The following SAMHD1 variants were observed in gnomAD, a reference collection of about 807,000 sequenced individuals.
SAMHD1 encodes the protein deoxynucleoside triphosphate triphosphohydrolase SAMHD1.
Under a neutral mutation model 79.6 loss-of-function variants are expected in SAMHD1, and 54 were observed. That is an observed-to-expected ratio of 0.68 (90% CI 0.55 to 0.85). The LOEUF (loss-of-function observed/expected upper bound fraction) is 0.85. Among genes scored for constraint, SAMHD1 ranks in the 40% least tolerant of loss-of-function variants. The pLI is 0.00. For synonymous variants in SAMHD1, 260 were observed against 264.1 expected, an observed-to-expected ratio of 0.98 and a Z score of 0.15; for missense variants, 663 against 782.7, an observed-to-expected ratio of 0.85 and a Z score of 1.82.
In SAMHD1 at chr20:36,935,038, T is replaced by C; in HGVS notation, c.500A>G (p.His167Arg). Residue 167 changes from histidine (H) to arginine (R), a missense_variant, in exon 4 of 16, where the codon CAT (histidine) becomes CGT (arginine). By Grantham distance (29) the His-to-Arg change is conservative. Coordinates refer to ENST00000646673, the MANE Select transcript of SAMHD1 (RefSeq NM_015474.4). ...FPGASHNRFE[H>R]SLGVGYLAGC... ...CCCATTCCCTTCTTACCCTAGACTA[T>C]GCTCAAATCGATTGTGTGAAGCTCC... is the stretch of plus-strand genomic sequence containing the variant. 1 of 1,614,100 alleles carries C rather than the reference T, an allele frequency of 6.2e-7. No homozygotes were observed. The highest frequency in any genetic ancestry group is 8.5e-7 in the Non-Finnish European group (1 of 1,179,998).
At chr20:36,950,977 C>T (rs2063729376) in intron 1 of SAMHD1, among the ~76,000 whole-genome samples, 1 of 152,200 alleles carries the variant, frequency 6.6e-6, no homozygotes, top group South Asian at 2.1e-4. Context: ...TGACAGCAAG[C>T]CGCCCACCAA....
chr20:36,917,350 T>C, intron 7 of SAMHD1: 1 of 341,156 alleles, frequency 2.9e-6, no homozygotes, highest in South Asian at 3.2e-5. Context: ...GGTTTATAAG[T>C]TTTTGAAAAA....
At chr20:36,947,476 G>GGT (rs1183056232) in intron 1 of SAMHD1, among the ~76,000 whole-genome samples, 1 of 110,510 alleles carries the variant, frequency 9.0e-6, no homozygotes, top group African/African-American at 3.7e-5. Flanking sequence ...ATTTGGAAGA[G>GGT]GTGTGTGTGT....
At chr20:36,907,361 G>A (rs1601121294) in intron 11 of SAMHD1, among the ~76,000 whole-genome samples, 1 of 150,446 alleles carries the variant, frequency 6.6e-6, no homozygotes, top group East Asian at 2.0e-4. Flanking sequence ...CCTGGACTCA[G>A]GCAATCCTCA....
At chr20:36,897,774 C>T (rs1344475648) in intron 15 of SAMHD1, 48 bp downstream of exon 15, 3 of 1,612,538 alleles carry the variant, frequency 1.9e-6, no homozygotes, top group Non-Finnish European at 2.5e-6. Flanking sequence ...TTGGTTTTTA[C>T]TTAAAAATAA....
Position 36,897,930 on chromosome 20 carries a change from T to G in SAMHD1, c.1638A>C (p.Ala546=). The G allele has an allele frequency of 6.2e-7, 1 of 1,614,250 alleles. No individual in the cohort carries two copies. The highest frequency in any genetic ancestry group is 8.5e-7 in the Non-Finnish European group (1 of 1,180,044). ...TACAATATACTCGAATCAGCTGCTC[T>G]GCAAATTTCTCTGGCAGAAGTTGTG... The part of the protein sequence containing the change: ...QVSQLLPEKF[A]EQLIRVYCKK... Residue 546 remains alanine (A), a synonymous_variant, in exon 15 of 16, where the codon GCA becomes GCC. Transcript: ENST00000646673.
chr20:36,946,130 A>C (rs1227739247), intron 2 of SAMHD1, among the ~76,000 whole-genome samples: 1 of 152,028 alleles, frequency 6.6e-6, no homozygotes, highest in African/African-American at 2.4e-5. Flanking sequence ...TAAAAGTACA[A>C]AAATCAGTGG....
chr20:36,903,939 G>T, intron 13 of SAMHD1: 1 of 490,668 alleles, frequency 2.0e-6, no homozygotes. Context: ...AATTAATATA[G>T]ACAATGTAAT....
intron 3 of SAMHD1, among the ~76,000 whole-genome samples, chr20:36,936,901 G>A (rs1309790447): frequency 6.6e-6 from 1 of 151,962 alleles, no homozygotes; most frequent in African/African-American, 2.4e-5. Flanking sequence ...AGCACTTTGG[G>A]AGGCCAAGGC....
intron 7 of SAMHD1, among the ~76,000 whole-genome samples, chr20:36,918,357 G>T (rs530197791): frequency 6.6e-6 from 1 of 151,406 alleles, no homozygotes; most frequent in Non-Finnish European, 1.5e-5. Context: ...GGTGGCTCAC[G>T]CCTGCAATCC....
At chr20:36,894,023 G>A (rs1990145891) in intron 15 of SAMHD1, 2 of 397,912 alleles carry the variant, frequency 5.0e-6, no homozygotes, top group Non-Finnish European at 8.9e-6. Flanking sequence ...TGTGGTTCTA[G>A]CTTTTGCAGG....
At chr20:36,905,015 A>G (rs2063397171) in intron 12 of SAMHD1, 3 of 304,402 alleles carry the variant, frequency 9.9e-6, no homozygotes, top group Non-Finnish European at 1.9e-5. Context: ...TCATGCAGGC[A>G]CTTTCTTTTG....
At chr20:36,939,472 T>C (rs1335229949) in intron 3 of SAMHD1, among the ~76,000 whole-genome samples, 2 of 151,762 alleles carry the variant, frequency 1.3e-5, no homozygotes, top group South Asian at 2.1e-4. Context: ...GGTGTGCACC[T>C]GTAGTCCCAG....
intron 6 of SAMHD1, among the ~76,000 whole-genome samples, chr20:36,926,136 A>G (rs1180855373): frequency 6.6e-6 from 1 of 152,178 alleles, no homozygotes; most frequent in African/African-American, 2.4e-5. Context: ...GATAATATGC[A>G]CGACAACCTT....
At chr20:36,898,144 A>C (rs1449977349) in intron 14 of SAMHD1, among the ~76,000 whole-genome samples, 185 bp from the exon 15 acceptor site, 1 of 151,896 alleles carries the variant, frequency 6.6e-6, no homozygotes, top group Non-Finnish European at 1.5e-5. Flanking sequence ...TGATCCTCCC[A>C]CCTCAGCCTC....
intron 11 of SAMHD1, among the ~76,000 whole-genome samples, chr20:36,906,353 G>A (rs975595693): frequency 2.0e-5 from 3 of 152,194 alleles, no homozygotes; most frequent in African/African-American, 7.2e-5. Flanking sequence ...CAGGAGAATC[G>A]CTTGAACCCT....
At chr20:36,917,328 T>C (rs2063481942) in intron 7 of SAMHD1, 2 of 376,630 alleles carry the variant, frequency 5.3e-6, no homozygotes, top group East Asian at 1.1e-4. Flanking sequence ...CCAACAACTT[T>C]TGTGTTTTCT....
rs2063734165 is a variant in SAMHD1, at chr20:36,951,482, GAGGA to G, written c.158_161del (p.Phe53SerfsTer12). On this transcript the variant is annotated frameshift_variant, in exon 1 of 16. Transcript: ENST00000646673. LOFTEE classifies it high-confidence loss of function. The stretch of plus-strand genomic sequence containing the variant: ...CCGGCTCTTCAAAGCCACCGCGCCT[GAGGA>G]AGGAGCACACCTGCTCCGGACCCCA... The G allele has an allele frequency of 6.2e-7, 1 of 1,614,060 alleles. No homozygotes were observed. The highest frequency in any genetic ancestry group is 8.5e-7 in the Non-Finnish European group (1 of 1,180,006).
At chr20:36,935,693 C>A (rs1010895842) in intron 3 of SAMHD1, among the ~76,000 whole-genome samples, 5 of 151,912 alleles carry the variant, frequency 3.3e-5, no homozygotes. Context: ...GCCTCAGCCT[C>A]CTGAGTAGCT....
Sources: allele counts gnomAD v4.1 joint callset (sites outside exome capture counted in the v4.1 genomes callset), GRCh38; gene constraint gnomAD v4.1.1; transcripts MANE v1.5; gene names NCBI Gene and HGNC (gene_info 2026-07-23, HGNC 2026-07-21).